SHISA6: variants seen among roughly 807,000 people sequenced by gnomAD.
SHISA6 encodes the protein shisa family member 6, also known as protein shisa-6.
In SHISA6, 22 loss-of-function variants were observed where a neutral mutation model predicts 47.9. The ratio of observed to expected loss-of-function variants is 0.46; its 90% confidence interval spans 0.33 to 0.66. The LOEUF (loss-of-function observed/expected upper bound fraction) is 0.66. Ranked by LOEUF, SHISA6 falls within the 30% of genes least tolerant of loss-of-function variation. The probability of loss-of-function intolerance (pLI) is 0.02; values close to 1 mark genes in which losing one functional copy is unlikely to be tolerated. For missense variants in SHISA6, 680 were observed against 764.6 expected (o/e 0.89, Z 1.30); for synonymous variants, 388 against 337.8 (o/e 1.15, Z -1.63).
chr17:11,295,349 A>G (rs965049897), intron 2 of SHISA6, among the ~76,000 whole-genome samples: 4 of 152,202 alleles, frequency 2.6e-5, no homozygotes, highest in African/African-American at 4.8e-5. Context: ...TCTCAGGCCC[A>G]TGATGGATTC....
chr17:11,361,656 C>T (rs1281040067), intron 2 of SHISA6, among the ~76,000 whole-genome samples: 1 of 152,190 alleles, frequency 6.6e-6, no homozygotes, highest in Non-Finnish European at 1.5e-5. Flanking sequence ...CAGCACTTCC[C>T]TATGTGTGGA....
At chr17:11,453,560 C>T (rs1915457690) in intron 3 of SHISA6, among the ~76,000 whole-genome samples, 1 of 152,194 alleles carries the variant, frequency 6.6e-6, no homozygotes, top group Non-Finnish European at 1.5e-5. Context: ...TCCCATCTTA[C>T]CCATCACAGA....
chr17:11,296,982 A>C (rs1909774869), intron 2 of SHISA6, among the ~76,000 whole-genome samples: 1 of 152,198 alleles, frequency 6.6e-6, no homozygotes, highest in Non-Finnish European at 1.5e-5. Flanking sequence ...CCGCAACCTC[A>C]GAAAGAGCAG....
At chr17:11,466,338 T>C (rs1182338487) in intron 3 of SHISA6, among the ~76,000 whole-genome samples, 2 of 152,130 alleles carry the variant, frequency 1.3e-5, no homozygotes, top group African/African-American at 2.4e-5. Context: ...AATACAAGGA[T>C]GATAAACGGG....
intron 3 of SHISA6, among the ~76,000 whole-genome samples, chr17:11,482,619 C>T (rs113077881): frequency 0.02 from 3,118 of 152,220 alleles, 52 homozygotes; most frequent in Non-Finnish European, 0.031. Context: ...ACTTAAACTA[C>T]GGGTCTAAAT....
intron 5 of SHISA6, 150 bp from the exon 6 acceptor site, chr17:11,557,604 C>A: frequency 1.3e-6 from 1 of 747,400 alleles, no homozygotes; most frequent in Non-Finnish European, 2.1e-6. Flanking sequence ...CTTCACCCGT[C>A]TGTCCTAATC....
intron 2 of SHISA6, among the ~76,000 whole-genome samples, chr17:11,303,831 T>G (rs192728472): frequency 1.3e-3 from 203 of 152,168 alleles, no homozygotes; most frequent in African/African-American, 4.4e-3. Flanking sequence ...TGGGGGTAAA[T>G]GTGGGGATGG....
intron 3 of SHISA6, among the ~76,000 whole-genome samples, chr17:11,410,048 G>A (rs1010840608): frequency 1.5e-4 from 23 of 152,272 alleles, no homozygotes; most frequent in African/African-American, 4.6e-4. Context: ...TCTTGTCATC[G>A]TTTTCTGTTG....
intron 2 of SHISA6, among the ~76,000 whole-genome samples, chr17:11,345,604 C>A (rs763693782): frequency 6.6e-6 from 1 of 152,064 alleles, no homozygotes; most frequent in Non-Finnish European, 1.5e-5. Context: ...AATCCATGAA[C>A]GTGGGATGTC....
intron 3 of SHISA6, among the ~76,000 whole-genome samples, chr17:11,545,980 C>T (rs901178095): frequency 2.0e-5 from 3 of 152,218 alleles, no homozygotes; most frequent in Non-Finnish European, 2.9e-5. Flanking sequence ...TTCATTGAGA[C>T]AGTCACACAG....
intron 3 of SHISA6, among the ~76,000 whole-genome samples, chr17:11,394,998 C>CTTTTTTTTTTTTTTT (rs772109588): frequency 2.1e-4 from 20 of 95,100 alleles, no homozygotes; most frequent in Admixed American, 3.6e-4. Context: ...TTTTTCTTTT[C>CTTTTTTTTTTTTTTT]TTTTTTTTTT....
intron 2 of SHISA6, among the ~76,000 whole-genome samples, chr17:11,275,527 T>A (rs1908856430): frequency 6.6e-6 from 1 of 152,164 alleles, no homozygotes; most frequent in Non-Finnish European, 1.5e-5. Context: ...TCATGGTGTT[T>A]ACATTCAGCT....
chr17:11,417,953 A>T (rs2142278839), intron 3 of SHISA6, among the ~76,000 whole-genome samples: 1 of 152,324 alleles, frequency 6.6e-6, no homozygotes, highest in African/African-American at 2.4e-5. Context: ...AAGGTAAAAG[A>T]AGTACTCAAG....
At chr17:11,428,495 T>C (rs902738883) in intron 3 of SHISA6, among the ~76,000 whole-genome samples, 7 of 152,222 alleles carry the variant, frequency 4.6e-5, no homozygotes, top group Admixed American at 3.9e-4. Context: ...CAAGGTTGTC[T>C]CTTTAAGGCA....
intron 2 of SHISA6, among the ~76,000 whole-genome samples, chr17:11,346,620 C>T (rs145395970): frequency 7.5e-4 from 114 of 152,296 alleles, no homozygotes; most frequent in African/African-American, 2.4e-3. Context: ...ATGAGTATTT[C>T]TGGAGATACT....
chr17:11,264,933 G>C (rs1028243563), intron 2 of SHISA6, among the ~76,000 whole-genome samples: 3 of 152,168 alleles, frequency 2.0e-5, no homozygotes, highest in Admixed American at 1.3e-4. Flanking sequence ...TGATTGAGGG[G>C]AATTAATAGA....
At chr17:11,491,834 C>T (rs529424379) in intron 3 of SHISA6, among the ~76,000 whole-genome samples, 90 of 141,488 alleles carry the variant, frequency 6.4e-4, no homozygotes, top group African/African-American at 2.2e-3. Flanking sequence ...TGCAATGGTG[C>T]GATCTCTGCT....
chr17:11,393,705 C>A (rs1913468517), intron 3 of SHISA6, among the ~76,000 whole-genome samples: 1 of 152,194 alleles, frequency 6.6e-6, no homozygotes, highest in South Asian at 2.1e-4. Flanking sequence ...TGCACCTACT[C>A]TTCTTTCATT....
chr17:11,357,728 A>T (rs1912122737), intron 2 of SHISA6, among the ~76,000 whole-genome samples: 1 of 152,224 alleles, frequency 6.6e-6, no homozygotes, highest in Non-Finnish European at 1.5e-5. Context: ...TTCTAGTTTT[A>T]CACTATTATA....
Sources: gnomAD v4.1 joint callset for allele counts (sites outside exome capture counted in the v4.1 genomes callset) on GRCh38, gnomAD v4.1.1 for gene constraint, MANE v1.5 for transcripts, NCBI Gene and HGNC (gene_info 2026-07-23, HGNC 2026-07-21) for gene names.